FSTL4: variants seen among roughly 807,000 people sequenced by gnomAD.
FSTL4 encodes follistatin-related protein 4.
In FSTL4, 28 loss-of-function variants were observed where a neutral mutation model predicts 78.2. The observed-to-expected ratio is 0.36, with a 90% CI of 0.27 to 0.49. The LOEUF is 0.49. Ranked by LOEUF, FSTL4 falls within the 20% of genes least tolerant of loss-of-function variation. The pLI, the probability that FSTL4 is intolerant of heterozygous loss-of-function variation, is 0.98. For synonymous variants in FSTL4, 422 were observed against 440.5 expected (o/e 0.96, Z 0.53); for missense variants, 922 against 1,084.9 (o/e 0.85, Z 2.11).
chr5:133,498,857 T>C (rs1273276476), intron 3 of FSTL4, among the ~76,000 whole-genome samples: 1 of 152,106 alleles, frequency 6.6e-6, no homozygotes, highest in Non-Finnish European at 1.5e-5. Flanking sequence ...GAGCACCTGC[T>C]GGGGCCTGTC....
intron 4 of FSTL4, among the ~76,000 whole-genome samples, chr5:133,346,029 TG>T (rs1407772198): frequency 1.3e-5 from 2 of 152,214 alleles, no homozygotes; most frequent in African/African-American, 4.8e-5. Context: ...AAAGGAAATG[TG>T]GCACATACAC....
At chr5:133,712,456 T>C in the FSTL4 span, among the ~76,000 whole-genome samples, 1 of 152,202 alleles carries the variant, frequency 6.6e-6, no homozygotes, top group Non-Finnish European at 1.5e-5. Flanking sequence ...CTGGGTTGAC[T>C]GGGTTCAAAT....
chr5:133,278,416 A>G (rs1332709444), intron 6 of FSTL4, among the ~76,000 whole-genome samples: 4 of 152,000 alleles, frequency 2.6e-5, no homozygotes, highest in Non-Finnish European at 4.4e-5. Flanking sequence ...GAGCCCTTCC[A>G]TTTTCAGGAG....
intron 4 of FSTL4, among the ~76,000 whole-genome samples, chr5:133,351,263 T>G (rs944988920): frequency 6.6e-6 from 1 of 152,190 alleles, no homozygotes; most frequent in African/African-American, 2.4e-5. Context: ...TGCTTTTAAG[T>G]TTTTCTCATT....
Position 133,323,001 on chromosome 5 carries a change from T to A in FSTL4, c.410-6349A>T, listed in dbSNP as rs149367546. On this transcript the variant is annotated intron_variant, in intron 4 of 15. Coordinates refer to ENST00000265342, the MANE Select transcript of FSTL4 (RefSeq NM_015082.2). ...ATTACAGTATGAAATGCTTGTTGAATGAGAGGACCAGAGTCCTGTGGCTCC... is the reference window on the plus strand; with the variant it reads ...ATTACAGTATGAAATGCTTGTTGAAAGAGAGGACCAGAGTCCTGTGGCTCC... Among the ~76,000 whole-genome samples the A allele has an allele frequency of 4.6e-5, 7 of 152,254 alleles. No homozygotes were observed. The East Asian group carries it at 1.4e-3, about 29-fold the overall frequency.
the FSTL4 span, among the ~76,000 whole-genome samples, chr5:133,802,795 C>T: frequency 6.6e-6 from 1 of 152,192 alleles, no homozygotes; most frequent in Non-Finnish European, 1.5e-5. Flanking sequence ...CTCCTCTAGC[C>T]CCAGACTCTC....
chr5:133,687,768 G>C, the FSTL4 span, among the ~76,000 whole-genome samples: 1 of 152,198 alleles, frequency 6.6e-6, no homozygotes, highest in Non-Finnish European at 1.5e-5. Flanking sequence ...AATAGTAGTA[G>C]CCTAAATAAG....
At chr5:133,748,887 A>G in the FSTL4 span, among the ~76,000 whole-genome samples, 1 of 152,222 alleles carries the variant, frequency 6.6e-6, no homozygotes, top group African/African-American at 2.4e-5. Context: ...GAGAATTCCA[A>G]GAGCAGCTCT....
At chr5:133,764,783 A>T in the FSTL4 span, among the ~76,000 whole-genome samples, 1 of 152,230 alleles carries the variant, frequency 6.6e-6, no homozygotes, top group Non-Finnish European at 1.5e-5. Flanking sequence ...TCATAGACAC[A>T]TTCGATCCGA....
At chr5:133,317,391 A>G (rs964555194) in intron 4 of FSTL4, among the ~76,000 whole-genome samples, 2 of 152,140 alleles carry the variant, frequency 1.3e-5, no homozygotes, top group African/African-American at 4.8e-5. Context: ...ACGCCCATAC[A>G]CTGGGATTGC....
chr5:133,684,184 G>C, the FSTL4 span, among the ~76,000 whole-genome samples: 61,461 of 152,012 alleles, frequency 0.4, 12,638 homozygotes, highest in African/African-American at 0.49. Flanking sequence ...TTTTCAGTTA[G>C]ATGTCAAGCT....
the FSTL4 span, among the ~76,000 whole-genome samples, chr5:133,621,498 G>C: frequency 7.2e-5 from 11 of 152,200 alleles, no homozygotes; most frequent in African/African-American, 2.2e-4. Context: ...AAGTAACTCA[G>C]GAATGGAAAA....
chr5:133,721,130 T>C, the FSTL4 span, among the ~76,000 whole-genome samples: 1 of 152,260 alleles, frequency 6.6e-6, no homozygotes, highest in African/African-American at 2.4e-5. Context: ...ATATTTATTG[T>C]GTGTGAAACA....
chr5:133,339,981 C>A (rs936883147), intron 4 of FSTL4, among the ~76,000 whole-genome samples: 2 of 152,182 alleles, frequency 1.3e-5, no homozygotes, highest in Non-Finnish European at 2.9e-5. Flanking sequence ...TGAGAATCCT[C>A]CCAGTTCTCT....
intron 4 of FSTL4, among the ~76,000 whole-genome samples, chr5:133,321,572 G>A (rs1182168846): frequency 9.2e-5 from 14 of 152,208 alleles, no homozygotes; most frequent in Non-Finnish European, 8.8e-5. Context: ...CAGGCCGGGC[G>A]CGGTGGCTCA....
intron 4 of FSTL4, among the ~76,000 whole-genome samples, chr5:133,321,080 T>C (rs1754039040): frequency 6.6e-6 from 1 of 151,840 alleles, no homozygotes; most frequent in African/African-American, 2.4e-5. Flanking sequence ...ATGTCTTTCT[T>C]ATCTTCACCC....
intron 3 of FSTL4, among the ~76,000 whole-genome samples, chr5:133,418,140 T>TA (rs529860504): frequency 8.6e-5 from 13 of 151,304 alleles, no homozygotes; most frequent in African/African-American, 2.7e-4. Context: ...AAACGAGTAA[T>TA]AGAGAAAAAT....
At chr5:133,272,853 A>T (rs552067663) in intron 6 of FSTL4, among the ~76,000 whole-genome samples, 1 of 152,232 alleles carries the variant, frequency 6.6e-6, no homozygotes, top group African/African-American at 2.4e-5. Context: ...AGAAGATGAA[A>T]ACTTGGGCCA....
chr5:133,657,087 G>A, the FSTL4 span, among the ~76,000 whole-genome samples: 1 of 152,144 alleles, frequency 6.6e-6, no homozygotes, highest in Non-Finnish European at 1.5e-5. Context: ...TTGGACATTT[G>A]GTAAGTCTGA....
Sources: allele counts gnomAD v4.1 joint callset (sites outside exome capture counted in the v4.1 genomes callset), GRCh38; gene constraint gnomAD v4.1.1; transcripts MANE v1.5; gene names NCBI Gene and HGNC (gene_info 2026-07-23, HGNC 2026-07-21).